SPNS2: variants seen among roughly 807,000 people sequenced by gnomAD.
The protein encoded by SPNS2 is SPNS lysolipid transporter 2, sphingosine-1-phosphate.
Under a neutral mutation model 57.6 loss-of-function variants are expected in SPNS2, and 37 were observed. The ratio of observed to expected loss-of-function variants is 0.64; its 90% CI spans 0.49 to 0.85. SPNS2 has a LOEUF of 0.85. Among genes scored for constraint, SPNS2 ranks in the 40% least tolerant of loss-of-function variants. The pLI, the probability that SPNS2 is intolerant of heterozygous loss-of-function variation, is 0.00. For missense variants in SPNS2, 831 were observed against 779.1 expected (o/e 1.07, Z -0.79); for synonymous variants, 440 against 346.9 (o/e 1.27, Z -2.98).
chr17:4,535,934 G>A (rs1049568821), intron 9 of SPNS2, 142 bp from the exon 10 acceptor site: 4 of 661,556 alleles, frequency 6.0e-6, no homozygotes, highest in Non-Finnish European at 1.0e-5. Context: ...AGGAGGGCAG[G>A]GCCCAGGGGA....
At chr17:4,536,795 CAGCACCTCCGGTCAG>C in intron 11 of SPNS2, 90 bp from the exon 12 acceptor site, 1 of 948,790 alleles carries the variant, frequency 1.1e-6, no homozygotes, top group Non-Finnish European at 1.7e-6. Context: ...GGTCCCTGCC[CAGCACCTCCGGTCAG>C]CTGGCCCCCA....
At chr17:4,519,910 T>C (rs1905096884) in intron 2 of SPNS2, among the ~76,000 whole-genome samples, 7 of 152,140 alleles carry the variant, frequency 4.6e-5, no homozygotes, top group Admixed American at 4.6e-4. Context: ...CCTACCCTGA[T>C]TGTGTTCAGG....
intron 9 of SPNS2, chr17:4,534,240 C>T (rs1002393565): frequency 1.8e-5 from 5 of 273,594 alleles, no homozygotes; most frequent in South Asian, 4.9e-5. Flanking sequence ...GGCGTGCCTG[C>T]GGCTGGGGCT....
In SPNS2 at chr17:4,537,676, C is replaced by T. The variant is rs1286728298; in HGVS notation, c.*228C>T. The T allele has an allele frequency of 4.4e-6, 2 of 456,788 alleles. No individual in the cohort carries two copies. The highest frequency in any genetic ancestry group is 2.3e-5 in the Admixed American group (1 of 42,590). The allele number at this position is 456,788 out of a possible 1,614,324, so 28.3% of individuals were successfully genotyped here. ...TTGGAGCCACACGGTTGGACAGGTT[C>T]CCAGCCCTAGGTTTGGGCCGCAGGG... On this transcript the variant is annotated 3_prime_UTR_variant, in exon 13 of 13. Transcript: ENST00000329078.
chr17:4,509,264 G>A lies in SPNS2; in HGVS notation c.371-3983G>A, dbSNP rs189553027. ...GGAAAGGAGGTGAGAATATTGACTT[G>A]GGAAGGGAAAGAACTCTCCAGAGTT... On this transcript the variant is annotated intron_variant, in intron 1 of 12. Coordinates refer to ENST00000329078, the MANE Select transcript of SPNS2 (RefSeq NM_001124758.3). Among the ~76,000 whole-genome samples the A allele has an allele frequency of 3.3e-4, 50 of 152,270 alleles. 2 individuals carry two copies. The highest frequency in any genetic ancestry group is 2.8e-3 in the Admixed American group (43 of 15,296).
chr17:4,528,523 C>T (rs752416257), intron 3 of SPNS2, among the ~76,000 whole-genome samples: 4 of 152,048 alleles, frequency 2.6e-5, no homozygotes, highest in Admixed American at 6.6e-5. Context: ...AGTGCAGTGG[C>T]ACAATCTCGG....
chr17:4,518,775 C>A (rs2144334245), intron 2 of SPNS2, among the ~76,000 whole-genome samples: 1 of 152,332 alleles, frequency 6.6e-6, no homozygotes, highest in African/African-American at 2.4e-5. Flanking sequence ...TTCTCCCCTC[C>A]CGTCTTTGGC....
At chr17:4,530,907 C>T (rs1905437823) in intron 4 of SPNS2, 124 bp downstream of exon 4, 15 of 1,461,760 alleles carry the variant, frequency 1.0e-5, no homozygotes, top group African/African-American at 4.2e-5. Flanking sequence ...AACATGTGGG[C>T]GGTCAGCCTT....
In SPNS2 at chr17:4,499,308, C is replaced by T. The variant is rs761950792; in HGVS notation, c.261C>T (p.Pro87=). 2 of 1,495,648 alleles carry T rather than the reference C, an allele frequency of 1.3e-6. No individual in the cohort carries two copies. The highest frequency in any genetic ancestry group is 1.3e-5 in the South Asian group (1 of 79,928). The allele number at this position is 1,495,648 out of a possible 1,614,324, so 92.6% of individuals were successfully genotyped here. The change falls in exon 1 of 13, where the codon CCC becomes CCT. Residue 87 remains proline, a synonymous_variant. Transcript: ENST00000329078. The surrounding 1 kb of genome is among the most constrained non-coding windows in gnomAD (Gnocchi z 5.2). ...TPGCAATAKG[P]GAQQPKPASL... ...GCTGCGCAGCTACTGCAAAGGGCCC[C>T]GGCGCTCAGCAGCCCAAACCGGCCA...
Position 4,538,203 on chromosome 17 carries a change from T to C in SPNS2, c.*755T>C. On this transcript the variant is annotated 3_prime_UTR_variant, in exon 13 of 13. Coordinates refer to ENST00000329078, the MANE Select transcript of SPNS2 (RefSeq NM_001124758.3). ...CCCCAGGCTCAAGGTCTCTGGCAGG[T>C]GCACACCAGCCCAACTCTGCAGGGC... The C allele has an allele frequency of 4.2e-6, 1 of 235,618 alleles. No homozygotes were observed. Among genetic ancestry groups the C allele is most frequent in the Non-Finnish European group, 8.5e-6 (1 of 117,524 alleles). 14.6% of individuals were successfully genotyped at this position (235,618 alleles called of 1,614,324 possible). A position where few individuals can be genotyped will look rare whatever the true frequency, so the allele number is the denominator to read the frequency against.
chr17:4,517,877 CA>C (rs1240419678), intron 2 of SPNS2, among the ~76,000 whole-genome samples: 1 of 151,986 alleles, frequency 6.6e-6, no homozygotes, highest in Non-Finnish European at 1.5e-5. Flanking sequence ...TCGAAAATAC[CA>C]GAAGTGAAAA....
intron 3 of SPNS2, among the ~76,000 whole-genome samples, chr17:4,528,947 T>TC (rs966758354): frequency 2.0e-5 from 3 of 151,512 alleles, no homozygotes; most frequent in African/African-American, 7.3e-5. Context: ...CTTTTCTTTT[T>TC]TTTTTTTGAA....
rs141491578 is a variant in SPNS2, at chr17:4,533,480, G to A, written c.1278+48G>A. On this transcript the variant is annotated intron_variant, in intron 8 of 12. Coordinates refer to ENST00000329078, the MANE Select transcript of SPNS2 (RefSeq NM_001124758.3). Reference sequence around the variant, plus strand: ...GTGCTGGGGGAGCTGGGCCTGGGCCGCGGGAGGGTCTGGAACAGGACATTC... The same window carrying A: ...GTGCTGGGGGAGCTGGGCCTGGGCCACGGGAGGGTCTGGAACAGGACATTC... The A allele has an allele frequency of 4.8e-5, 73 of 1,532,970 alleles. No individual in the cohort carries two copies. The East Asian group carries it at 8.4e-4, about 18-fold the overall frequency. 95.0% of individuals were successfully genotyped at this position (1,532,970 alleles called of 1,614,324 possible).
At chr17:4,507,518 T>C (rs893846265) in intron 1 of SPNS2, among the ~76,000 whole-genome samples, 8 of 152,180 alleles carry the variant, frequency 5.3e-5, no homozygotes, top group African/African-American at 1.9e-4. Context: ...ACAACAACCA[T>C]ATGAAATGAA....
chr17:4,516,343 AC>A (rs373598656), intron 2 of SPNS2, among the ~76,000 whole-genome samples: 63,009 of 133,310 alleles, frequency 0.47, 17,346 homozygotes, highest in East Asian at 0.85. Context: ...AAAAAAAAAA[AC>A]AAAAAAACCG....
intron 3 of SPNS2, among the ~76,000 whole-genome samples, chr17:4,528,116 G>C (rs184346608): frequency 6.6e-6 from 1 of 151,120 alleles, no homozygotes; most frequent in Non-Finnish European, 1.5e-5. Context: ...TCCGCCTCCC[G>C]GGTTCAAGCG....
At chr17:4,536,783 G>A (rs751194563) in intron 11 of SPNS2, 117 bp from the exon 12 acceptor site, 33 of 828,700 alleles carry the variant, frequency 4.0e-5, no homozygotes, top group South Asian at 3.0e-4. Context: ...TGGGGCTGAC[G>A]AGGTCCCTGC....
At chr17:4,536,747 C>T (rs996145065) in intron 11 of SPNS2, 153 bp from the exon 12 acceptor site, 2 of 689,586 alleles carry the variant, frequency 2.9e-6, no homozygotes, top group Non-Finnish European at 5.1e-6. Flanking sequence ...CTCCTCTCCC[C>T]ACCCCTGGGC....
At chr17:4,502,931 C>T (rs1416455679) in intron 1 of SPNS2, among the ~76,000 whole-genome samples, 2 of 152,196 alleles carry the variant, frequency 1.3e-5, no homozygotes, top group African/African-American at 4.8e-5. Context: ...ACCCGGTGAA[C>T]CTGCTAATTA....
Sources: allele counts gnomAD v4.1 joint callset (sites outside exome capture counted in the v4.1 genomes callset), GRCh38; gene constraint gnomAD v4.1.1; non-coding constraint Gnocchi (gnomAD v3.1); transcripts MANE v1.5; gene names NCBI Gene and HGNC (gene_info 2026-07-23, HGNC 2026-07-21).